Variants in STK17A observed in about 807,000 individuals in gnomAD.
The protein encoded by STK17A is serine/threonine-protein kinase 17A.
A neutral mutation model predicts 43.7 loss-of-function variants in STK17A; 26 were observed. That is an observed-to-expected ratio of 0.60 (90% CI 0.44 to 0.83). The LOEUF (loss-of-function observed/expected upper bound fraction) is 0.83. STK17A is among the 40% of genes least tolerant of loss of function. STK17A has a pLI of 0.00. For missense variants in STK17A, 476 were observed against 511.6 expected, an observed-to-expected ratio of 0.93 and a Z score of 0.67; for synonymous variants, 191 against 182.5, an observed-to-expected ratio of 1.05 and a Z score of -0.38.
At chr7:43,614,108 C>T (rs981916947) in intron 3 of STK17A, among the ~76,000 whole-genome samples, 1 of 152,180 alleles carries the variant, frequency 6.6e-6, no homozygotes, top group Non-Finnish European at 1.5e-5. Flanking sequence ...GCCCATGACA[C>T]CCTAAGCCTT....
In STK17A at chr7:43,591,342, TG is replaced by T. The variant is rs1288502813; in HGVS notation, c.207-4558del. 7.3e-5 allele frequency among the ~76,000 whole-genome samples: 11 copies of T among 151,526 alleles called. 1 individual carries two copies. Among genetic ancestry groups the T allele is most frequent in the Admixed American group, 7.2e-4 (11 of 15,220 alleles). On this transcript the variant is annotated intron_variant, in intron 1 of 6. Transcript: ENST00000319357. ...AAAAGCTTATGAAATTAAATTTCAGTGTAAAAGGTTCATTGGAAGCCAAACA... is the reference window on the plus strand; with the variant it reads ...AAAAGCTTATGAAATTAAATTTCAGTTAAAAGGTTCATTGGAAGCCAAACA...
At chr7:43,583,975 G>T (rs1331749048) in intron 1 of STK17A, among the ~76,000 whole-genome samples, 1 of 152,110 alleles carries the variant, frequency 6.6e-6, no homozygotes, top group Non-Finnish European at 1.5e-5. Context: ...TTCTTGGTTG[G>T]TTTTCTGCCG....
chr7:43,611,251 C>T (rs932447283), intron 3 of STK17A, among the ~76,000 whole-genome samples: 1 of 152,158 alleles, frequency 6.6e-6, no homozygotes, highest in African/African-American at 2.4e-5. Flanking sequence ...AAAATTTACT[C>T]GTTTCCTACA....
chr7:43,597,209 G>A (rs1362353783), intron 2 of STK17A, among the ~76,000 whole-genome samples: 2 of 152,032 alleles, frequency 1.3e-5, no homozygotes, highest in Non-Finnish European at 2.9e-5. Flanking sequence ...CCCAAAAGAT[G>A]CAATCTTAAA....
intron 2 of STK17A, among the ~76,000 whole-genome samples, chr7:43,596,730 T>C (rs754771705): frequency 6.6e-6 from 1 of 151,912 alleles, no homozygotes; most frequent in Non-Finnish European, 1.5e-5. Context: ...TAGCCTGGCG[T>C]GGTGGCATGT....
At chr7:43,623,505 ATC>A in intron 4 of STK17A, 65 bp from the exon 5 acceptor site, 3 of 1,381,136 alleles carry the variant, frequency 2.2e-6, no homozygotes, top group Non-Finnish European at 3.0e-6. Context: ...TTAGTTTTTT[ATC>A]TCTTAGAGCA....
intron 2 of STK17A, among the ~76,000 whole-genome samples, chr7:43,597,032 G>A (rs899866704): frequency 6.6e-6 from 1 of 151,756 alleles, no homozygotes; most frequent in South Asian, 2.1e-4. Context: ...AAACAAAAAA[G>A]ACTTAATACA....
chr7:43,608,836 A>G (rs950688957), intron 3 of STK17A: 1 of 151,588 alleles, frequency 6.6e-6, no homozygotes, highest in African/African-American at 2.4e-5. Flanking sequence ...TAGGGGTTTC[A>G]TATGTCATGA....
At chr7:43,594,407 C>T (rs2082501423) in intron 1 of STK17A, among the ~76,000 whole-genome samples, 1 of 152,154 alleles carries the variant, frequency 6.6e-6, no homozygotes, top group Non-Finnish European at 1.5e-5. Flanking sequence ...GTCTGTACTG[C>T]TCAGCAGAGG....
chr7:43,624,032 T>C (rs2084216353), intron 6 of STK17A, 144 bp downstream of exon 6: 1 of 573,944 alleles, frequency 1.7e-6, no homozygotes, highest in African/African-American at 1.9e-5. Context: ...CACAAAAATG[T>C]TGACATAAAT....
At chr7:43,594,875 TAA>T (rs199560986) in intron 1 of STK17A, among the ~76,000 whole-genome samples, 11 of 107,414 alleles carry the variant, frequency 1.0e-4, no homozygotes, top group Non-Finnish European at 1.1e-4. Context: ...CCCAGTCTCT[TAA>T]AAAAAAAAAA....
At chr7:43,615,275 A>C (rs1472497271) in intron 3 of STK17A, among the ~76,000 whole-genome samples, 1 of 152,172 alleles carries the variant, frequency 6.6e-6, no homozygotes, top group Non-Finnish European at 1.5e-5. Flanking sequence ...TCCCAGGCTC[A>C]AGTGATCCTC....
chr7:43,613,327 T>G (rs1156659413), intron 3 of STK17A, among the ~76,000 whole-genome samples: 1 of 152,140 alleles, frequency 6.6e-6, no homozygotes, highest in Non-Finnish European at 1.5e-5. Context: ...ATGTGTGGTA[T>G]TATAATAGCT....
intron 1 of STK17A, among the ~76,000 whole-genome samples, chr7:43,584,566 C>T (rs1057353439): frequency 5.3e-5 from 8 of 152,164 alleles, no homozygotes; most frequent in Admixed American, 3.3e-4. Context: ...GTTGGAACAG[C>T]CTTCAGCTGG....
At chr7:43,623,369 T>C (rs1388309838) in intron 4 of STK17A, 5 of 548,972 alleles carry the variant, frequency 9.1e-6, no homozygotes, top group Admixed American at 3.6e-5. Context: ...CAATGGTGGG[T>C]AGAAGTGTGA....
intron 3 of STK17A, among the ~76,000 whole-genome samples, chr7:43,614,225 C>T (rs778994395): frequency 3.9e-5 from 6 of 152,180 alleles, no homozygotes; most frequent in Middle Eastern, 6.8e-3. Flanking sequence ...ATGAAGATAC[C>T]GAGATAAATA....
chr7:43,614,319 T>C (rs1222158009), intron 3 of STK17A, among the ~76,000 whole-genome samples: 1 of 152,222 alleles, frequency 6.6e-6, no homozygotes, highest in Non-Finnish European at 1.5e-5. Flanking sequence ...CTCTATTGAT[T>C]GACCTTGCTT....
At chr7:43,587,147 G>GTTTTTTTTTTTTTTTTTTTTTTTTT (rs202031785) in intron 1 of STK17A, among the ~76,000 whole-genome samples, 1 of 113,450 alleles carries the variant, frequency 8.8e-6, no homozygotes, top group Non-Finnish European at 2.0e-5. Context: ...TGTTTTTATT[G>GTTTTTTTTTTTTTTTTTTTTTTTTT]TTTTTTGTTT....
intron 2 of STK17A, among the ~76,000 whole-genome samples, chr7:43,603,489 A>G (rs1355946593): frequency 6.6e-6 from 1 of 152,184 alleles, no homozygotes; most frequent in South Asian, 2.1e-4. Flanking sequence ...CCAGGTGCTA[A>G]AAGTCTAGCA....
Sources: gnomAD v4.1 joint callset for allele counts (sites outside exome capture counted in the v4.1 genomes callset) on GRCh38, gnomAD v4.1.1 for gene constraint, MANE v1.5 for transcripts, NCBI Gene and HGNC (gene_info 2026-07-23, HGNC 2026-07-21) for gene names.